The following OGG1 variants were observed in gnomAD, a reference collection of about 807,000 sequenced individuals.
OGG1 encodes the protein N-glycosylase/DNA lyase.
Under a neutral mutation model 42.3 loss-of-function variants are expected in OGG1, and 35 were observed. That is an observed-to-expected ratio of 0.83 (90% CI 0.63 to 1.10). OGG1 has a LOEUF of 1.10. Ranked by LOEUF, OGG1 falls within the 50% of genes least tolerant of loss-of-function variation. The pLI, the probability that OGG1 is intolerant of heterozygous loss-of-function variation, is 0.00. For missense variants in OGG1, 484 were observed against 446.7 expected (o/e 1.08, Z -0.75); for synonymous variants, 189 against 179.0 (o/e 1.06, Z -0.44).
downstream of OGG1, chr3:9,767,882 C>T (rs2078198884): frequency 7.2e-7 from 1 of 1,397,196 alleles, no homozygotes; most frequent in African/African-American, 1.4e-5. Context: ...TTTATTCATC[C>T]TTGATTCATC....
chr3:9,750,092 C>G lies in OGG1; in HGVS notation c.-195C>G. 1 of 684,808 alleles carries G rather than the reference C, an allele frequency of 1.5e-6. No individual in the cohort carries two copies. Among genetic ancestry groups the G allele is most frequent in the Non-Finnish European group, 2.4e-6 (1 of 416,060 alleles). 42.4% of individuals were successfully genotyped at this position (684,808 alleles called of 1,614,324 possible). ...AAAGCCGGAGAATTGGGGCACGAAG[C>G]GGGGCTTTGATGACCCGCAAAGGGC... On this transcript the variant is annotated 5_prime_UTR_variant, in exon 1 of 7. Coordinates refer to ENST00000344629, the MANE Select transcript of OGG1 (RefSeq NM_002542.6).
downstream of OGG1, chr3:9,789,644 G>A (rs765914608): frequency 1.1e-5 from 17 of 1,611,366 alleles, no homozygotes; most frequent in South Asian, 5.5e-5. Context: ...CTGAGTGGGC[G>A]CCCCTGCCCC....
At chr3:9,759,447 T>C (rs766768473), downstream of OGG1, 3 of 1,612,984 alleles carry the variant, frequency 1.9e-6, no homozygotes, top group African/African-American at 2.7e-5. Flanking sequence ...TGGGGAGGAG[T>C]CCTGGGGAGG....
downstream of OGG1, chr3:9,767,683 G>C (rs771056998): frequency 4.3e-6 from 7 of 1,614,082 alleles, no homozygotes; most frequent in Admixed American, 1.7e-5. Flanking sequence ...AGAACATCTC[G>C]GAAGTCGTAG....
At chr3:9,762,003 A>G, downstream of OGG1, 1 of 435,606 alleles carries the variant, frequency 2.3e-6, no homozygotes, top group Non-Finnish European at 4.1e-6. Context: ...CCCTAAAGGA[A>G]TGTTTGAATG....
intron 2 of OGG1, among the ~76,000 whole-genome samples, chr3:9,772,565 T>G (rs34127563): frequency 0.41 from 62,502 of 151,968 alleles, 14,395 homozygotes; most frequent in Non-Finnish European, 0.52. Context: ...AAACATGGAG[T>G]GAGGCAGCCC....
chr3:9,790,055 A>G (rs868861309), downstream of OGG1: 1 of 1,438,184 alleles, frequency 7.0e-7, no homozygotes, highest in Middle Eastern at 2.5e-4. Context: ...TAGAATCTAC[A>G]GAGGCTCCTG....
chr3:9,781,837 T>C (rs1425073895), intron 3 of OGG1, among the ~76,000 whole-genome samples: 2 of 90,416 alleles, frequency 2.2e-5, no homozygotes, highest in South Asian at 4.6e-4. Context: ...TTACTTCTTT[T>C]TTTTTTTTTT....
chr3:9,757,719 C>T (rs3219015), downstream of OGG1: 961 of 1,614,104 alleles, frequency 6.0e-4, 5 homozygotes, highest in Admixed American at 9.0e-3. The surrounding 1 kb of genome is among the most constrained non-coding windows in gnomAD (Gnocchi z 4.5). Flanking sequence ...CTGCAGAGCC[C>T]GCTCCTCACC....
At chr3:9,773,212 C>T (rs754284063) in intron 2 of OGG1, among the ~76,000 whole-genome samples, 1 of 141,220 alleles carries the variant, frequency 7.1e-6, no homozygotes, top group Non-Finnish European at 1.5e-5. Flanking sequence ...CTGGGTGACA[C>T]GGCAAGACTA....
intron 2 of OGG1, 89 bp downstream of exon 2, chr3:9,751,281 A>T: frequency 7.4e-7 from 1 of 1,347,360 alleles, no homozygotes. Flanking sequence ...AATGGGGATT[A>T]TATCTACTTC....
downstream of OGG1, among the ~76,000 whole-genome samples, chr3:9,771,241 T>C (rs1270780950): frequency 6.6e-6 from 1 of 151,796 alleles, no homozygotes; most frequent in Non-Finnish European, 1.5e-5. Context: ...CCCAGGCTGG[T>C]CTCAAACTCC....
rs1288736812 is a variant in OGG1, at chr3:9,756,788, G to A, written c.920G>A (p.Trp307Ter). The change falls in exon 6 of 7, where the codon TGG becomes TAG. Residue 307 changes from tryptophan (W) to a stop codon, truncating the protein, a stop_gained. Coordinates refer to ENST00000344629, the MANE Select transcript of OGG1 (RefSeq NM_002542.6). LOFTEE classifies it high-confidence loss of function. ...KELGNFFRSLWGPYAGWAQAV... is the reference protein window; with the variant it reads ...KELGNFFRSL ...TTAGGAAACTTTTTCCGGAGCCTGTGGGGACCTTATGCTGGCTGGGCCCAA... is the reference window on the plus strand; with the variant it reads ...TTAGGAAACTTTTTCCGGAGCCTGTAGGGACCTTATGCTGGCTGGGCCCAA... The A allele has an allele frequency of 6.2e-7, 1 of 1,614,100 alleles. No homozygotes were observed. The highest frequency in any genetic ancestry group is 1.3e-5 in the African/African-American group (1 of 75,024).
intron 3 of OGG1, among the ~76,000 whole-genome samples, chr3:9,753,693 C>T (rs1050735441): frequency 7.2e-5 from 11 of 151,904 alleles, no homozygotes; most frequent in African/African-American, 2.4e-4. Flanking sequence ...GTCTCAGCTC[C>T]TGGCTTAGTT....
At chr3:9,784,143 C>CAA (rs1429342741) in intron 3 of OGG1, 1 of 1,614,186 alleles carries the variant, frequency 6.2e-7, no homozygotes. Flanking sequence ...GGGCGGTCCT[C>CAA]AGACTCCAAA....
In OGG1 at chr3:9,757,355, T is replaced by G. The variant is rs771276510; in HGVS notation, c.*205T>G. On this transcript the variant is annotated 3_prime_UTR_variant, in exon 7 of 7. Coordinates refer to ENST00000344629, the MANE Select transcript of OGG1 (RefSeq NM_002542.6). This position sits in a 1 kb window ranked among gnomAD's most constrained non-coding sequence, Gnocchi z 4.5. ...GGAGACAGCGCTAAGGATGGTTTTA[T>G]CTTCCCTTTATTACAAGAAGGAACA... The G allele has an allele frequency of 1.1e-5, 18 of 1,613,962 alleles. No homozygotes were observed. The highest frequency in any genetic ancestry group is 1.3e-5 in the African/African-American group (1 of 74,922).
At chr3:9,761,208 A>G (rs373417359), downstream of OGG1, 46 of 442,364 alleles carry the variant, frequency 1.0e-4, no homozygotes, top group African/African-American at 8.1e-4. Flanking sequence ...CTTCCCTACT[A>G]GAAAGAAAGT....
At chr3:9,775,931 C>T (rs1232846070) in intron 2 of OGG1, among the ~76,000 whole-genome samples, 2 of 152,098 alleles carry the variant, frequency 1.3e-5, no homozygotes, top group Non-Finnish European at 2.9e-5. Flanking sequence ...TGAGCCACGG[C>T]GCCTGACTAT....
chr3:9,751,215 G>C (rs2077288753), intron 2 of OGG1, 23 bp downstream of exon 2: 2 of 1,611,838 alleles, frequency 1.2e-6, no homozygotes, highest in South Asian at 1.1e-5. Context: ...CCTGGGCTGG[G>C]GTTAGGGTTC....
Sources: allele counts gnomAD v4.1 joint callset (sites outside exome capture counted in the v4.1 genomes callset), GRCh38; gene constraint gnomAD v4.1.1; non-coding constraint Gnocchi (gnomAD v3.1); transcripts MANE v1.5; gene names NCBI Gene and HGNC (gene_info 2026-07-23, HGNC 2026-07-21).